The following ZCCHC9 variants were observed in gnomAD, a reference collection of about 807,000 sequenced individuals.
The protein encoded by ZCCHC9 is zinc finger CCHC domain-containing protein 9.
ZCCHC9 carries 18 observed loss-of-function variants against 30.8 expected under a neutral mutation model. The observed-to-expected ratio is 0.58, with a 90% CI of 0.40 to 0.87. The LOEUF (loss-of-function observed/expected upper bound fraction) is 0.87, where lower values mean the gene tolerates loss of function less well. Ranked by LOEUF, ZCCHC9 falls within the 40% of genes least tolerant of loss-of-function variation. The probability of loss-of-function intolerance (pLI) is 0.00; values close to 1 mark genes in which losing one functional copy is unlikely to be tolerated. For missense variants in ZCCHC9, 279 were observed against 331.2 expected (o/e 0.84, Z 1.22); for synonymous variants, 94 against 106.7 (o/e 0.88, Z 0.73).
chr5:81,305,745 A>T (rs1758068234), intron 2 of ZCCHC9, among the ~76,000 whole-genome samples: 1 of 152,116 alleles, frequency 6.6e-6, no homozygotes, highest in Non-Finnish European at 1.5e-5. Context: ...GGGTGACAAA[A>T]CGAGAGTTCG....
chr5:81,304,886 A>T lies in ZCCHC9; in HGVS notation c.129A>T (p.Glu43Asp). ...SQNLPKRKQL[E>D]ANRLSLKNDA... ...ACCTACCAAAGCGTAAACAACTTGA[A>T]GCCAATAGGCTATCCCTCAAAAATG... The change falls in exon 2 of 6, where the codon GAA (glutamate) becomes GAT (aspartate). Residue 43 changes from glutamate to aspartate, a missense_variant. Glu to Asp is a conservative substitution (Grantham distance 45). Coordinates refer to ENST00000407610, the MANE Select transcript of ZCCHC9 (RefSeq NM_001131035.2). The T allele has an allele frequency of 6.2e-7, 1 of 1,614,192 alleles. No homozygotes were observed. The highest frequency in any genetic ancestry group is 8.5e-7 in the Non-Finnish European group (1 of 1,180,024).
intron 1 of ZCCHC9, chr5:81,303,771 C>G (rs1422287928): frequency 1.3e-5 from 2 of 152,198 alleles, no homozygotes; most frequent in Non-Finnish European, 2.9e-5. Flanking sequence ...AGGAATTTTT[C>G]AGCTCCATTA....
chr5:81,304,474 GAT>G (rs1037304071), intron 1 of ZCCHC9: 4 of 256,420 alleles, frequency 1.6e-5, no homozygotes, highest in Non-Finnish European at 3.0e-5. Flanking sequence ...GGTTTCTTAA[GAT>G]AGTTTTTCAA....
At chr5:81,302,772 A>C (rs1757992904) in intron 1 of ZCCHC9, 1 of 152,170 alleles carries the variant, frequency 6.6e-6, no homozygotes, top group Non-Finnish European at 1.5e-5. Context: ...TGAATAGGGC[A>C]CTTACGCATG....
intron 4 of ZCCHC9, among the ~76,000 whole-genome samples, chr5:81,309,594 G>A (rs1758206919): frequency 6.6e-6 from 1 of 152,158 alleles, no homozygotes; most frequent in Non-Finnish European, 1.5e-5. Context: ...TGTGATGGCT[G>A]GTGCCATCAG....
At chr5:81,312,179 T>C (rs934749726) in intron 5 of ZCCHC9, among the ~76,000 whole-genome samples, 3 of 152,214 alleles carry the variant, frequency 2.0e-5, no homozygotes, top group Non-Finnish European at 4.4e-5. Context: ...TGTTGTATAA[T>C]TTCACAGGTG....
intron 4 of ZCCHC9, 184 bp downstream of exon 4, chr5:81,309,222 A>G: frequency 2.2e-6 from 1 of 459,130 alleles, no homozygotes; most frequent in Non-Finnish European, 3.8e-6. Flanking sequence ...TTCAGATGTT[A>G]ATAAAACAAA....
At chr5:81,310,604 C>CA (rs1199842784) in intron 4 of ZCCHC9, among the ~76,000 whole-genome samples, 1 of 152,094 alleles carries the variant, frequency 6.6e-6, no homozygotes, top group African/African-American at 2.4e-5. Context: ...TTAAGTGAAA[C>CA]ACTTATTTTA....
At chr5:81,305,270 G>T (rs1284394973) in intron 2 of ZCCHC9, 129 bp downstream of exon 2, 3 of 1,279,968 alleles carry the variant, frequency 2.3e-6, no homozygotes, top group Non-Finnish European at 2.1e-6. Flanking sequence ...ATCGTTTTAA[G>T]GACTAGTACT....
At position 81,311,110 on chromosome 5, in the gene ZCCHC9, GAC is replaced by G. The variant is rs1758268575; in HGVS notation, c.629-99_629-98del. 5.1e-6 allele frequency: 6 copies of G among 1,177,690 alleles called. No individual in the cohort carries two copies. The Admixed American group carries it at 8.7e-5, about 17-fold the overall frequency. 73.0% of individuals were successfully genotyped at this position (1,177,690 alleles called of 1,614,324 possible). ...TCCTGGTCTAGCTACCTTTACAACT[GAC>G]AGGGTTGTGAGGATCCAGTAAGATG... On this transcript the variant is annotated intron_variant, in intron 4 of 5. Transcript: ENST00000407610.
Position 81,305,149 on chromosome 5 carries a change from C to A in ZCCHC9, c.384+8C>A, listed in dbSNP as rs763305455. On this transcript the variant is annotated splice_region_variant and intron_variant, in intron 2 of 5. Transcript: ENST00000407610. ...GCAAAGAAAAATGCAATGGTGAGAG[C>A]ATCACTTCTACCATGTTATTTACTT... 2 of 1,583,526 alleles carry A rather than the reference C, an allele frequency of 1.3e-6. No homozygotes were observed. The highest frequency in any genetic ancestry group is 1.7e-6 in the Non-Finnish European group (2 of 1,169,442).
At chr5:81,307,711 T>G (rs1004039714) in intron 2 of ZCCHC9, among the ~76,000 whole-genome samples, 6 of 141,098 alleles carry the variant, frequency 4.3e-5, no homozygotes, top group Non-Finnish European at 7.8e-5. Flanking sequence ...GAAATATATC[T>G]TATGGCCAGG....
At chr5:81,305,372 T>C (rs771723591) in intron 2 of ZCCHC9, among the ~76,000 whole-genome samples, 8 of 152,184 alleles carry the variant, frequency 5.3e-5, no homozygotes, top group Non-Finnish European at 1.0e-4. Context: ...ATATTATGGA[T>C]GGCAAACACT....
chr5:81,310,566 T>C (rs1758249790), intron 4 of ZCCHC9, among the ~76,000 whole-genome samples: 1 of 152,236 alleles, frequency 6.6e-6, no homozygotes, highest in Non-Finnish European at 1.5e-5. Context: ...AAGATAATGC[T>C]TGACCATTAA....
chr5:81,307,856 G>A (rs975559092), intron 2 of ZCCHC9, among the ~76,000 whole-genome samples: 9 of 151,238 alleles, frequency 6.0e-5, no homozygotes, highest in Non-Finnish European at 1.2e-4. Context: ...AATTAGCCAG[G>A]TGGTGGTACA....
chr5:81,310,652 T>G (rs1054110430), intron 4 of ZCCHC9, among the ~76,000 whole-genome samples: 2 of 152,218 alleles, frequency 1.3e-5, no homozygotes, highest in African/African-American at 4.8e-5. Flanking sequence ...CCTGGAATGT[T>G]GTTTAAAGTA....
intron 1 of ZCCHC9, chr5:81,303,243 A>G (rs897969651): frequency 6.6e-6 from 1 of 151,966 alleles, no homozygotes; most frequent in Non-Finnish European, 1.5e-5. Flanking sequence ...GGGTTTGACC[A>G]TGTTGGCCAG....
chr5:81,303,875 A>G (rs572890924), intron 1 of ZCCHC9: 2 of 152,344 alleles, frequency 1.3e-5, no homozygotes, highest in South Asian at 2.1e-4. Context: ...TTATGGCTGA[A>G]TGTTCTCATT....
intron 2 of ZCCHC9, among the ~76,000 whole-genome samples, chr5:81,307,544 T>G (rs1047271892): frequency 4.0e-5 from 6 of 151,878 alleles, no homozygotes; most frequent in Non-Finnish European, 8.8e-5. Flanking sequence ...TCCCAGCTAC[T>G]TGGGAGGCTG....
Sources: gnomAD v4.1 joint callset for allele counts (sites outside exome capture counted in the v4.1 genomes callset) on GRCh38, gnomAD v4.1.1 for gene constraint, MANE v1.5 for transcripts, NCBI Gene and HGNC (gene_info 2026-07-23, HGNC 2026-07-21) for gene names.